Variants in PPARGC1A observed in about 807,000 individuals in gnomAD.
PPARGC1A encodes the protein PPARG coactivator 1 alpha.
In PPARGC1A, 25 loss-of-function variants were observed where a neutral mutation model predicts 88.7. That is an observed-to-expected ratio of 0.28 (90% CI 0.21 to 0.39). The LOEUF is 0.39. PPARGC1A is among the 10% of genes least tolerant of loss of function. PPARGC1A has a pLI of 1.00. For synonymous variants in PPARGC1A, 363 were observed against 355.6 expected, an observed-to-expected ratio of 1.02 and a Z score of -0.24; for missense variants, 880 against 968.7, an observed-to-expected ratio of 0.91 and a Z score of 1.22.
At chr4:24,042,445 G>C in the PPARGC1A span, among the ~76,000 whole-genome samples, 1 of 152,196 alleles carries the variant, frequency 6.6e-6, no homozygotes, top group South Asian at 2.1e-4. Flanking sequence ...CAGTGAGCTT[G>C]AATCTCTTGA....
the PPARGC1A span, among the ~76,000 whole-genome samples, chr4:24,435,933 T>TA: frequency 2.6e-5 from 4 of 152,248 alleles, no homozygotes; most frequent in African/African-American, 9.6e-5. Flanking sequence ...ACTGAGCTGT[T>TA]AAAAAAATAA....
At chr4:24,313,503 G>C in the PPARGC1A span, among the ~76,000 whole-genome samples, 1 of 152,188 alleles carries the variant, frequency 6.6e-6, no homozygotes, top group African/African-American at 2.4e-5. Context: ...ATACTGCAAG[G>C]CAAGTTACAT....
chr4:23,942,833 A>G, the PPARGC1A span, among the ~76,000 whole-genome samples: 4 of 152,192 alleles, frequency 2.6e-5, no homozygotes, highest in African/African-American at 4.8e-5. Flanking sequence ...TAAACTCTCC[A>G]TCTATGTTGG....
the PPARGC1A span, among the ~76,000 whole-genome samples, chr4:24,243,284 C>G: frequency 6.6e-6 from 1 of 152,174 alleles, no homozygotes; most frequent in Non-Finnish European, 1.5e-5. Flanking sequence ...GGATCCTCAT[C>G]ATGCACTTAT....
the PPARGC1A span, among the ~76,000 whole-genome samples, chr4:24,137,572 C>A: frequency 6.6e-6 from 1 of 152,130 alleles, no homozygotes; most frequent in Non-Finnish European, 1.5e-5. Flanking sequence ...AAACAGGATA[C>A]AGTAAGTGAG....
the PPARGC1A span, among the ~76,000 whole-genome samples, chr4:24,291,674 C>T: frequency 6.6e-5 from 10 of 152,312 alleles, no homozygotes; most frequent in East Asian, 1.9e-3. Context: ...TCCCGAAGCC[C>T]GTGCTCTTCT....
chr4:23,882,072 G>A lies in PPARGC1A; in HGVS notation c.234+2680C>T, dbSNP rs564347765. 3 of 152,372 alleles carry A rather than the reference G, an allele frequency of 2.0e-5. No homozygotes were observed. The South Asian group carries it at 6.2e-4, about 32-fold the overall frequency. The allele number at this position is 152,372 out of a possible 1,614,324, so 9.4% of individuals were successfully genotyped here. On this transcript the variant is annotated intron_variant, in intron 2 of 12. Transcript: ENST00000264867. ...ACACTAGAGGGCAAAGAGTGGAGGT[G>A]TCCTCATGCCATGCAAATACTCCTG...
the PPARGC1A span, among the ~76,000 whole-genome samples, chr4:24,264,579 C>A: frequency 1.3e-5 from 2 of 152,232 alleles, no homozygotes; most frequent in African/African-American, 2.4e-5. Context: ...ACATACATCA[C>A]CTCTTAGGGT....
the PPARGC1A span, among the ~76,000 whole-genome samples, chr4:24,238,392 A>G: frequency 1.3e-5 from 2 of 152,152 alleles, no homozygotes; most frequent in Non-Finnish European, 2.9e-5. Context: ...AAGGTCATTA[A>G]CTTCTTAGAG....
the PPARGC1A span, among the ~76,000 whole-genome samples, chr4:24,382,411 T>C: frequency 4.6e-5 from 7 of 152,306 alleles, no homozygotes; most frequent in African/African-American, 1.7e-4. Context: ...CTTAATGTTC[T>C]TATAAGAACT....
At chr4:24,445,037 A>C in the PPARGC1A span, among the ~76,000 whole-genome samples, 1 of 152,026 alleles carries the variant, frequency 6.6e-6, no homozygotes, top group African/African-American at 2.4e-5. Flanking sequence ...TGGGCAACAG[A>C]GCAAGACCCT....
chr4:24,280,331 A>G, the PPARGC1A span, among the ~76,000 whole-genome samples: 5 of 152,226 alleles, frequency 3.3e-5, no homozygotes, highest in East Asian at 1.9e-4. Flanking sequence ...ACAAATGCCA[A>G]ATAAAGAAAC....
At chr4:23,878,224 T>C (rs1715196255) in intron 2 of PPARGC1A, among the ~76,000 whole-genome samples, 1 of 152,042 alleles carries the variant, frequency 6.6e-6, no homozygotes, top group Non-Finnish European at 1.5e-5. Flanking sequence ...GTATCTGACA[T>C]GAAATCATTG....
the PPARGC1A span, among the ~76,000 whole-genome samples, chr4:24,207,449 A>G: frequency 1.3e-5 from 2 of 152,228 alleles, no homozygotes; most frequent in African/African-American, 4.8e-5. Context: ...ATACTTCAGC[A>G]AGTCAGAAAA....
intron 1 of PPARGC1A, chr4:23,889,114 A>G (rs1717401904): frequency 7.1e-6 from 7 of 985,210 alleles, no homozygotes; most frequent in African/African-American, 1.7e-5. Flanking sequence ...TAGCCAGCAG[A>G]GACTGTGGAA....
intron 2 of PPARGC1A, among the ~76,000 whole-genome samples, chr4:23,873,197 C>CAAAAAAAAAAAACAAAAAAA (rs1381885920): frequency 1.3e-5 from 1 of 74,828 alleles, no homozygotes; most frequent in Non-Finnish European, 2.6e-5. Flanking sequence ...GACTCCGTCT[C>CAAAAAAAAAAAACAAAAAAA]AAAAATAAAA....
the PPARGC1A span, among the ~76,000 whole-genome samples, chr4:24,359,790 A>C: frequency 6.6e-6 from 1 of 152,220 alleles, no homozygotes; most frequent in African/African-American, 2.4e-5. Context: ...AACCACTGGA[A>C]GAGCAAAAAT....
At chr4:24,025,636 C>T in the PPARGC1A span, among the ~76,000 whole-genome samples, 4 of 152,084 alleles carry the variant, frequency 2.6e-5, no homozygotes, top group Admixed American at 6.6e-5. Context: ...GTATTTGCTG[C>T]TACACAATGT....
At chr4:24,267,684 T>C in the PPARGC1A span, among the ~76,000 whole-genome samples, 4 of 152,190 alleles carry the variant, frequency 2.6e-5, no homozygotes, top group African/African-American at 9.7e-5. Flanking sequence ...ATCAAACTCA[T>C]ACTTTACTTT....
Sources: gnomAD v4.1 joint callset for allele counts (sites outside exome capture counted in the v4.1 genomes callset) on GRCh38, gnomAD v4.1.1 for gene constraint, MANE v1.5 for transcripts, NCBI Gene and HGNC (gene_info 2026-07-23, HGNC 2026-07-21) for gene names.